The following LGI2 variants were observed in gnomAD, a reference collection of about 807,000 sequenced individuals.
The protein encoded by LGI2 is leucine rich repeat LGI family member 2.
A neutral mutation model predicts 52.0 loss-of-function variants in LGI2; 30 were observed. The observed-to-expected ratio is 0.58, with a 90% confidence interval of 0.43 to 0.78. The LOEUF (loss-of-function observed/expected upper bound fraction) is 0.78, where lower values mean the gene tolerates loss of function less well. LGI2 is among the 30% of genes least tolerant of loss of function. The probability of loss-of-function intolerance (pLI) is 0.00; values close to 1 mark genes in which losing one functional copy is unlikely to be tolerated. For missense variants in LGI2, 573 were observed against 692.5 expected (o/e 0.83, Z 1.94); for synonymous variants, 270 against 271.8 (o/e 0.99, Z 0.06).
At chr4:25,020,599 A>C (rs1464809341) in intron 4 of LGI2, among the ~76,000 whole-genome samples, 1 of 152,252 alleles carries the variant, frequency 6.6e-6, no homozygotes, top group Non-Finnish European at 1.5e-5. Context: ...AACCAATTTA[A>C]GATATCTATG....
intron 1 of LGI2, among the ~76,000 whole-genome samples, chr4:25,029,094 A>G (rs570277546): frequency 4.6e-5 from 7 of 152,224 alleles, no homozygotes; most frequent in Non-Finnish European, 1.0e-4. Flanking sequence ...GGGGAGAGGC[A>G]GTACCATCTG....
intron 1 of LGI2, among the ~76,000 whole-genome samples, chr4:25,029,449 C>T (rs1480689456): frequency 6.6e-6 from 1 of 152,222 alleles, no homozygotes; most frequent in Non-Finnish European, 1.5e-5. Context: ...AAGCACTGGA[C>T]ACAAGAAAGT....
intron 4 of LGI2, among the ~76,000 whole-genome samples, chr4:25,023,892 T>C (rs189214074): frequency 3.3e-5 from 5 of 152,354 alleles, no homozygotes; most frequent in Admixed American, 2.6e-4. Context: ...TAAGTGTGTG[T>C]ACTTGCTTCA....
At chr4:25,012,174 C>A (rs1055792850) in intron 7 of LGI2, among the ~76,000 whole-genome samples, 161 bp downstream of exon 7, 1 of 152,178 alleles carries the variant, frequency 6.6e-6, no homozygotes, top group Non-Finnish European at 1.5e-5. Flanking sequence ...CACACCAAGA[C>A]AAAAACTGGA....
At chr4:25,008,213 CTG>C (rs1725455530) in intron 7 of LGI2, among the ~76,000 whole-genome samples, 1 of 152,142 alleles carries the variant, frequency 6.6e-6, no homozygotes, top group Non-Finnish European at 1.5e-5. Flanking sequence ...AAGGTAGAGT[CTG>C]TGGGTGGAAA....
In LGI2 at chr4:25,024,836, G is replaced by A. The variant is rs746165455; in HGVS notation, c.397C>T (p.Arg133Cys). 17 of 1,607,698 alleles carry A rather than the reference G, an allele frequency of 1.1e-5. 1 individual carries two copies. The highest frequency in any genetic ancestry group is 5.6e-5 in the South Asian group (5 of 89,758). The change falls in exon 4 of 8, where the codon CGT becomes TGT. Residue 133 changes from arginine to cysteine, a missense_variant. Physicochemically the swap from Arg to Cys is radical, Grantham distance 180. Transcript: ENST00000382114. ...TISRNAFRGLRDLTHLSLANN... is the reference protein window; with the variant it reads ...TISRNAFRGLCDLTHLSLANN... The stretch of plus-strand genomic sequence containing the variant: ...AGGACTTACAGGTGAGTCAGGTCAC[G>A]GAGGCCACGAAAGGCATTTCTTGAA...
At chr4:25,010,147 G>T (rs1725532532) in intron 7 of LGI2, among the ~76,000 whole-genome samples, 1 of 152,140 alleles carries the variant, frequency 6.6e-6, no homozygotes, top group African/African-American at 2.4e-5. Flanking sequence ...GGGTGCGGTA[G>T]CAGGTGCCTG....
chr4:25,028,216 C>T (rs562650302), intron 2 of LGI2, among the ~76,000 whole-genome samples: 52 of 152,170 alleles, frequency 3.4e-4, no homozygotes, highest in Non-Finnish European at 5.7e-4. Context: ...ATTTAGGTGA[C>T]TTTCAGGTCA....
At chr4:25,009,405 C>T (rs911838899) in intron 7 of LGI2, among the ~76,000 whole-genome samples, 1 of 152,144 alleles carries the variant, frequency 6.6e-6, no homozygotes, top group African/African-American at 2.4e-5. Context: ...CAAGTAGCAC[C>T]TTCTTGATGA....
Position 25,030,568 on chromosome 4 carries a change from A to G in LGI2, c.126T>C (p.Cys42=). The G allele has an allele frequency of 6.3e-7, 1 of 1,591,194 alleles. No individual in the cohort carries two copies. The highest frequency in any genetic ancestry group is 8.5e-7 in the Non-Finnish European group (1 of 1,170,650). ...RLARCPATCS[C]TKESIICVGS... is the part of the protein sequence containing the mutation. ...CCACGCAGATGATAGACTCCTTGGT[A>G]CAGCTGCAAGTGGCGGGGCAGCGCG... Residue 42 remains cysteine (C), a synonymous_variant, in exon 1 of 8, where the codon TGT becomes TGC. Transcript: ENST00000382114.
chr4:25,023,977 T>A (rs1043614996), intron 4 of LGI2, among the ~76,000 whole-genome samples: 1 of 152,250 alleles, frequency 6.6e-6, no homozygotes, highest in African/African-American at 2.4e-5. Flanking sequence ...GAGAGCTTAG[T>A]TGAAACCACA....
At chr4:25,028,725 G>C in intron 1 of LGI2, 147 bp from the exon 2 acceptor site, 1 of 669,120 alleles carries the variant, frequency 1.5e-6, no homozygotes, top group Non-Finnish European at 2.6e-6. Flanking sequence ...ATCTTCCCCG[G>C]GGTAGGAATA....
At chr4:25,026,608 CAAATT>C (rs1726159248) in intron 3 of LGI2, among the ~76,000 whole-genome samples, 1 of 152,160 alleles carries the variant, frequency 6.6e-6, no homozygotes, top group African/African-American at 2.4e-5. Flanking sequence ...TACTACATGA[CAAATT>C]AAATGTCAGC....
chr4:25,007,912 A>G (rs972388948), intron 7 of LGI2, among the ~76,000 whole-genome samples: 1 of 152,192 alleles, frequency 6.6e-6, no homozygotes, highest in Admixed American at 6.5e-5. Flanking sequence ...GCCAAACAAG[A>G]TGTCAAATGA....
chr4:25,022,381 C>T lies in LGI2; in HGVS notation c.413+2439G>A, dbSNP rs569619036. Among the ~76,000 whole-genome samples, 11 of 152,166 alleles carry T rather than the reference C, an allele frequency of 7.2e-5. No homozygotes were observed. The South Asian group carries it at 1.5e-3, about 20-fold the overall frequency. On this transcript the variant is annotated intron_variant, in intron 4 of 7. Coordinates refer to ENST00000382114, the MANE Select transcript of LGI2 (RefSeq NM_018176.4). ...AAAGCAGTGGGATGGGGTGGGGGAGCGCCGAAAGCTTGATGTTCTGAAGAC... is the reference window on the plus strand; with the variant it reads ...AAAGCAGTGGGATGGGGTGGGGGAGTGCCGAAAGCTTGATGTTCTGAAGAC...
In LGI2 at chr4:25,000,612, C is replaced by T; in HGVS notation, c.*2839G>A. 1 of 152,260 alleles carries T rather than the reference C, an allele frequency of 6.6e-6. No homozygotes were observed. The highest frequency in any genetic ancestry group is 1.9e-4 in the East Asian group (1 of 5,188). 9.4% of individuals were successfully genotyped at this position (152,260 alleles called of 1,614,324 possible). ...GGACAAGCCCCCTTTAAGGAAAGGCCTTAAAGCCACATGGCCGCACAGAGG... is the reference window on the plus strand; with the variant it reads ...GGACAAGCCCCCTTTAAGGAAAGGCTTTAAAGCCACATGGCCGCACAGAGG... On this transcript the variant is annotated 3_prime_UTR_variant, in exon 8 of 8. Transcript: ENST00000382114.
chr4:25,004,159 G>C lies in LGI2; in HGVS notation c.930C>G (p.Thr310=). The change falls in exon 8 of 8, where the codon ACC becomes ACG. Residue 310 remains threonine (T), a synonymous_variant. Transcript: ENST00000382114. This position sits in a 1 kb window ranked among gnomAD's most constrained non-coding sequence, Gnocchi z 4.6. The part of the protein sequence containing the change: ...SHIYKYDESW[T]KFVKFQDIEV... ...CTATGTCTTGGAATTTGACAAATTT[G>C]GTCCAACTCTCGTCGTATTTGTAAA... The C allele has an allele frequency of 6.2e-7, 1 of 1,614,138 alleles. No homozygotes were observed. The highest frequency in any genetic ancestry group is 8.5e-7 in the Non-Finnish European group (1 of 1,180,032).
chr4:25,000,915 A>G lies in LGI2; in HGVS notation c.*2536T>C, dbSNP rs541144132. ...GAGCAGTAAGATTAATGAAGCAAAG[A>G]TATCACCACCCCGTGCCAAGAACAT... On this transcript the variant is annotated 3_prime_UTR_variant, in exon 8 of 8. Coordinates refer to ENST00000382114, the MANE Select transcript of LGI2 (RefSeq NM_018176.4). The G allele has an allele frequency of 2.6e-5, 4 of 152,342 alleles. No homozygotes were observed. The East Asian group carries it at 7.7e-4, about 29-fold the overall frequency. The allele number at this position is 152,342 out of a possible 1,614,324, so 9.4% of individuals were successfully genotyped here. A position where few individuals can be genotyped will look rare whatever the true frequency, so the allele number is the denominator to read the frequency against.
chr4:25,011,546 A>T (rs1725586708), intron 7 of LGI2, among the ~76,000 whole-genome samples: 1 of 152,056 alleles, frequency 6.6e-6, no homozygotes, highest in South Asian at 2.1e-4. Context: ...GAGCCTCCCA[A>T]CCCAGAAATT....
Sources: allele counts gnomAD v4.1 joint callset (sites outside exome capture counted in the v4.1 genomes callset), GRCh38; gene constraint gnomAD v4.1.1; non-coding constraint Gnocchi (gnomAD v3.1); transcripts MANE v1.5; gene names NCBI Gene and HGNC (gene_info 2026-07-23, HGNC 2026-07-21).